The following PDE12 variants were observed in gnomAD, a reference collection of about 807,000 sequenced individuals.
The protein encoded by PDE12 is 2',5'-phosphodiesterase 12.
A neutral mutation model predicts 45.4 loss-of-function variants in PDE12; 26 were observed. The ratio of observed to expected loss-of-function variants is 0.57; its 90% CI spans 0.42 to 0.79. The LOEUF is 0.79. PDE12 is among the 30% of genes least tolerant of loss of function. PDE12 has a pLI of 0.00. For synonymous variants in PDE12, 283 were observed against 323.9 expected (o/e 0.87, Z 1.36); for missense variants, 668 against 790.0 (o/e 0.85, Z 1.85).
the PDE12 span, among the ~76,000 whole-genome samples, chr3:57,614,544 G>GTT: frequency 2.8e-4 from 34 of 121,292 alleles, no homozygotes; most frequent in Admixed American, 4.4e-4. Flanking sequence ...TTTGTTTTTT[G>GTT]TTTTTTTTTT....
At chr3:57,610,049 C>A in the PDE12 span, among the ~76,000 whole-genome samples, 4 of 152,140 alleles carry the variant, frequency 2.6e-5, no homozygotes, top group African/African-American at 9.7e-5. Flanking sequence ...ATCAAGTAGG[C>A]TTCATCCCTG....
At chr3:57,582,815 T>G in the PDE12 span, among the ~76,000 whole-genome samples, 16 of 152,172 alleles carry the variant, frequency 1.1e-4, no homozygotes, top group African/African-American at 3.4e-4. Context: ...ACAATCGAGG[T>G]GGGACCAGGT....
At chr3:57,606,766 A>G in the PDE12 span, among the ~76,000 whole-genome samples, 1 of 152,166 alleles carries the variant, frequency 6.6e-6, no homozygotes. Flanking sequence ...AGACTAGTAA[A>G]TTAAAGATGT....
the PDE12 span, chr3:57,571,970 G>A: frequency 2.7e-4 from 113 of 426,134 alleles, 1 homozygote; most frequent in South Asian, 1.6e-3. Flanking sequence ...AGGCATTTAC[G>A]CTTATGGGAA....
At chr3:57,598,267 A>G in the PDE12 span, 7 of 152,108 alleles carry the variant, frequency 4.6e-5, no homozygotes, top group African/African-American at 1.7e-4. Context: ...GATTTAATCT[A>G]TTTTTCTAGT....
At chr3:57,571,991 A>G in the PDE12 span, 1 of 475,798 alleles carries the variant, frequency 2.1e-6, no homozygotes, top group East Asian at 3.3e-5. Context: ...GTAAAATTAA[A>G]AGAGGATACT....
downstream of PDE12, among the ~76,000 whole-genome samples, chr3:57,571,100 C>A (rs1013486942): frequency 1.3e-5 from 2 of 152,070 alleles, no homozygotes; most frequent in Non-Finnish European, 2.9e-5. Context: ...GCCTCAACCT[C>A]CTAAAGTGCT....
the PDE12 span, among the ~76,000 whole-genome samples, chr3:57,611,541 A>G: frequency 2.0e-5 from 3 of 152,112 alleles, no homozygotes; most frequent in Non-Finnish European, 2.9e-5. Context: ...TTAACAGGAA[A>G]AAAACAAACA....
chr3:57,558,756 C>G (rs2069693926), intron 1 of PDE12, among the ~76,000 whole-genome samples: 1 of 151,662 alleles, frequency 6.6e-6, no homozygotes, highest in African/African-American at 2.4e-5. Flanking sequence ...TCCCAAAGTG[C>G]TGGGATTACA....
At chr3:57,577,292 A>G in the PDE12 span, 1 of 1,589,356 alleles carries the variant, frequency 6.3e-7, no homozygotes. Flanking sequence ...CTTGAAAATG[A>G]TGAATTTAAA....
the PDE12 span, among the ~76,000 whole-genome samples, chr3:57,652,976 G>A: frequency 6.6e-6 from 1 of 152,156 alleles, no homozygotes; most frequent in Non-Finnish European, 1.5e-5. Flanking sequence ...ATTTGAACTG[G>A]TCTTAGTATT....
At chr3:57,637,155 T>A in the PDE12 span, among the ~76,000 whole-genome samples, 2 of 152,170 alleles carry the variant, frequency 1.3e-5, no homozygotes, top group Non-Finnish European at 2.9e-5. Context: ...AGAGTTTATT[T>A]ATGATGCCCA....
the PDE12 span, among the ~76,000 whole-genome samples, chr3:57,589,177 A>G: frequency 6.6e-6 from 1 of 151,600 alleles, no homozygotes; most frequent in Non-Finnish European, 1.5e-5. Flanking sequence ...CTGAGATGGG[A>G]GGATCACTTG....
chr3:57,575,370 C>T, the PDE12 span, among the ~76,000 whole-genome samples: 3 of 150,916 alleles, frequency 2.0e-5, no homozygotes, highest in South Asian at 4.2e-4. Flanking sequence ...AGTAGTTTTC[C>T]GTTTCTTTAC....
chr3:57,603,162 G>A, the PDE12 span, among the ~76,000 whole-genome samples: 4 of 150,332 alleles, frequency 2.7e-5, no homozygotes, highest in South Asian at 4.2e-4. Flanking sequence ...GCGAGACTCC[G>A]TCTCAAAAAA....
chr3:57,593,029 C>T, the PDE12 span, among the ~76,000 whole-genome samples: 6 of 152,104 alleles, frequency 3.9e-5, no homozygotes, highest in South Asian at 1.0e-3. Flanking sequence ...CAGAGCAAGA[C>T]CCCCATTCTC....
the PDE12 span, among the ~76,000 whole-genome samples, chr3:57,620,965 G>A: frequency 1.0e-3 from 158 of 152,206 alleles, 1 homozygote; most frequent in Non-Finnish European, 1.8e-3. Context: ...GTAGAAATTC[G>A]TAAGCTGATT....
chr3:57,598,680 C>T, the PDE12 span, among the ~76,000 whole-genome samples: 1 of 152,160 alleles, frequency 6.6e-6, no homozygotes, highest in Admixed American at 6.5e-5. Flanking sequence ...ACTCCGGAGG[C>T]TGAGGCAGAA....
chr3:57,618,614 T>TTG, the PDE12 span, among the ~76,000 whole-genome samples: 2 of 119,878 alleles, frequency 1.7e-5, no homozygotes, highest in African/African-American at 5.8e-5. Flanking sequence ...TGTGTTTTTT[T>TTG]TTTTTTTTTT....
Sources: gnomAD v4.1 joint callset for allele counts (sites outside exome capture counted in the v4.1 genomes callset) on GRCh38, gnomAD v4.1.1 for gene constraint, MANE v1.5 for transcripts, NCBI Gene and HGNC (gene_info 2026-07-23, HGNC 2026-07-21) for gene names.